Variants in THSD4 observed in about 807,000 individuals in gnomAD.
The protein encoded by THSD4 is thrombospondin type-1 domain-containing protein 4.
THSD4 carries 69 observed loss-of-function variants against 119.0 expected under a neutral mutation model. The observed-to-expected ratio is 0.58, with a 90% CI of 0.48 to 0.71. The LOEUF (loss-of-function observed/expected upper bound fraction) is 0.71, where lower values mean the gene tolerates loss of function less well. Ranked by LOEUF, THSD4 falls within the 30% of genes least tolerant of loss-of-function variation. The pLI is 0.00. For synonymous variants in THSD4, 524 were observed against 540.4 expected (o/e 0.97, Z 0.42); for missense variants, 1,393 against 1,391.1 (o/e 1.00, Z -0.02).
intron 7 of THSD4, among the ~76,000 whole-genome samples, chr15:71,606,170 C>CTGTTTT (rs1317901176): frequency 6.6e-6 from 1 of 152,338 alleles, no homozygotes; most frequent in African/African-American, 2.4e-5. Context: ...AATACTGTCT[C>CTGTTTT]TGTTTTTGTT....
rs908698809 is a variant in THSD4 at position 71,728,568 on chromosome 15, A to C, written c.1377A>C (p.Gly459=). 16 of 1,614,186 alleles carry C rather than the reference A, an allele frequency of 9.9e-6. No individual in the cohort carries two copies. The East Asian group carries it at 3.6e-4, about 36-fold the overall frequency. ...NNYLALRSRS[G]RSIINGNWAI... is the part of the protein sequence containing the mutation. ...CAACAGCCCTGAGAAGTCGTTCTGG[A>C]CGCTCCATCATCAATGGGAACTGGG... Residue 459 remains glycine, a synonymous_variant, in exon 9 of 18, where the codon GGA becomes GGC. Transcript: ENST00000261862.
intron 6 of THSD4, among the ~76,000 whole-genome samples, chr15:71,299,354 T>C (rs539302053): frequency 6.6e-6 from 1 of 152,340 alleles, no homozygotes; most frequent in Non-Finnish European, 1.5e-5. Flanking sequence ...CTGTTCTGGG[T>C]ATTTCACCTC....
chr15:71,469,932 A>C (rs567364861), intron 7 of THSD4, among the ~76,000 whole-genome samples: 7 of 152,314 alleles, frequency 4.6e-5, no homozygotes, highest in Admixed American at 3.9e-4. Flanking sequence ...ATACAATATA[A>C]ATATGTACAG....
At chr15:71,704,124 A>T (rs966823785) in intron 8 of THSD4, among the ~76,000 whole-genome samples, 7 of 152,230 alleles carry the variant, frequency 4.6e-5, no homozygotes, top group African/African-American at 1.7e-4. Context: ...CTGGGATTAC[A>T]GGTGTGAGCC....
intron 3 of THSD4, among the ~76,000 whole-genome samples, chr15:71,180,171 T>TAAAAAAAAAAAAA (rs61126896): frequency 2.1e-5 from 3 of 141,332 alleles, no homozygotes; most frequent in African/African-American, 2.7e-5. Context: ...AAAAAAAAAA[T>TAAAAAAAAAAAAA]AAAAAAAAAA....
At position 71,682,530 on chromosome 15, in the gene THSD4, T is replaced by A. The variant is rs534825358; in HGVS notation, c.1357+21796T>A. 1.6e-4 allele frequency among the ~76,000 whole-genome samples: 24 copies of A among 151,798 alleles called. No homozygotes were observed. The South Asian group carries it at 1.9e-3, about 12-fold the overall frequency. On this transcript the variant is annotated intron_variant, in intron 8 of 17. Coordinates refer to ENST00000261862, the MANE Select transcript of THSD4 (RefSeq NM_024817.3). ...TTTTTGTCTGTTTTTAGAAAAACCT[T>A]ATATAAATGGAATAATACAGCATAT...
At chr15:71,625,844 A>AGAGG (rs1420808251) in intron 7 of THSD4, among the ~76,000 whole-genome samples, 1 of 152,194 alleles carries the variant, frequency 6.6e-6, no homozygotes, top group African/African-American at 2.4e-5. Flanking sequence ...GCTAAGGTAG[A>AGAGG]GAGGGGCACA....
intron 7 of THSD4, among the ~76,000 whole-genome samples, chr15:71,548,684 G>A (rs1430807850): frequency 6.6e-6 from 1 of 152,230 alleles, no homozygotes; most frequent in Non-Finnish European, 1.5e-5. Context: ...CTGAATGGGT[G>A]AGTGATGCTG....
intron 7 of THSD4, among the ~76,000 whole-genome samples, chr15:71,533,663 C>T (rs140521839): frequency 3.3e-4 from 50 of 152,164 alleles, no homozygotes; most frequent in African/African-American, 1.1e-3. Flanking sequence ...TTATGAAGTC[C>T]GCTGATATTG....
At chr15:71,638,758 A>G (rs148230819) in intron 7 of THSD4, among the ~76,000 whole-genome samples, 1,965 of 152,312 alleles carry the variant, frequency 0.013, 12 homozygotes, top group Middle Eastern at 0.027. Flanking sequence ...TAGGTTTAAG[A>G]ATGTAAGCAG....
At chr15:71,457,766 C>G (rs12324862) in intron 7 of THSD4, among the ~76,000 whole-genome samples, 6,179 of 152,260 alleles carry the variant, frequency 0.041, 411 homozygotes, top group African/African-American at 0.14. Flanking sequence ...TACTCTACCC[C>G]CTCACACTGC....
intron 3 of THSD4, among the ~76,000 whole-genome samples, chr15:71,204,430 G>A (rs1044341674): frequency 6.6e-6 from 1 of 152,184 alleles, no homozygotes; most frequent in Non-Finnish European, 1.5e-5. Context: ...GGAGCCCTGG[G>A]TACAACCTGG....
intron 7 of THSD4, among the ~76,000 whole-genome samples, chr15:71,533,181 C>G (rs1407903035): frequency 6.6e-6 from 1 of 152,172 alleles, no homozygotes; most frequent in African/African-American, 2.4e-5. Flanking sequence ...TGAGCAGGAT[C>G]AAAATAAACT....
At chr15:71,352,916 A>G (rs1372304707) in intron 6 of THSD4, among the ~76,000 whole-genome samples, 1 of 152,352 alleles carries the variant, frequency 6.6e-6, no homozygotes, top group East Asian at 1.9e-4. Flanking sequence ...GAGCATCGTG[A>G]GCAATGGCTC....
intron 3 of THSD4, among the ~76,000 whole-genome samples, chr15:71,197,050 G>A (rs1201087752): frequency 1.3e-5 from 2 of 152,172 alleles, no homozygotes; most frequent in East Asian, 3.9e-4. Context: ...AGAAAAACAA[G>A]TCTCTCTGCT....
At chr15:71,737,293 G>T (rs60943454) in intron 10 of THSD4, among the ~76,000 whole-genome samples, 8,129 of 152,288 alleles carry the variant, frequency 0.053, 233 homozygotes, top group South Asian at 0.12. Flanking sequence ...GGATCTATTT[G>T]CAGGCTCATC....
rs150081647 is a variant in THSD4 at position 71,778,248 on chromosome 15, C to G, written c.*874C>G. ...GGCCCCTGAAATCTTTCCGGTCAAG[C>G]CTTTATCCCAGCACTCAGTTGTTTT... On this transcript the variant is annotated 3_prime_UTR_variant, in exon 18 of 18. Coordinates refer to ENST00000261862, the MANE Select transcript of THSD4 (RefSeq NM_024817.3). 1.3e-5 allele frequency: 2 copies of G among 152,296 alleles called. No homozygotes were observed. The highest frequency in any genetic ancestry group is 6.5e-5 in the Admixed American group (1 of 15,286). The allele number at this position is 152,296 out of a possible 1,614,324, so 9.4% of individuals were successfully genotyped here.
intron 7 of THSD4, among the ~76,000 whole-genome samples, chr15:71,609,729 A>G (rs943844697): frequency 3.3e-5 from 5 of 151,858 alleles, no homozygotes; most frequent in East Asian, 1.9e-4. Flanking sequence ...GCAGGCGCCT[A>G]TAGTCCCAGC....
intron 5 of THSD4, among the ~76,000 whole-genome samples, chr15:71,255,254 C>CAT (rs1232211740): frequency 2.0e-5 from 3 of 152,152 alleles, no homozygotes; most frequent in African/African-American, 4.8e-5. Flanking sequence ...CACACACACA[C>CAT]ATACACACTC....
Sources: gnomAD v4.1 joint callset for allele counts (sites outside exome capture counted in the v4.1 genomes callset) on GRCh38, gnomAD v4.1.1 for gene constraint, MANE v1.5 for transcripts, NCBI Gene and HGNC (gene_info 2026-07-23, HGNC 2026-07-21) for gene names.